Variants in STK32B observed in about 807,000 individuals in gnomAD.
STK32B encodes the protein serine/threonine-protein kinase 32B.
In STK32B, 43 loss-of-function variants were observed where a neutral mutation model predicts 52.6. The observed-to-expected ratio is 0.82, with a 90% confidence interval of 0.64 to 1.05. The LOEUF is 1.05. STK32B is among the 50% of genes least tolerant of loss of function. The pLI is 0.00. For synonymous variants in STK32B, 238 were observed against 204.3 expected (o/e 1.17, Z -1.41); for missense variants, 621 against 534.6 (o/e 1.16, Z -1.59).
At chr4:5,086,480 C>A (rs116447830) in intron 1 of STK32B, among the ~76,000 whole-genome samples, 37 of 152,000 alleles carry the variant, frequency 2.4e-4, no homozygotes, top group Non-Finnish European at 4.0e-4. Flanking sequence ...GAGGTGCCAT[C>A]AAGTGTAGCA....
chr4:5,025,037 T>A, the STK32B span, among the ~76,000 whole-genome samples: 1 of 152,200 alleles, frequency 6.6e-6, no homozygotes, highest in Non-Finnish European at 1.5e-5. Flanking sequence ...GCACCTTCAT[T>A]CGTGGGTCTC....
chr4:5,459,899 C>T (rs1441686130), intron 8 of STK32B, among the ~76,000 whole-genome samples: 1 of 152,222 alleles, frequency 6.6e-6, no homozygotes, highest in Admixed American at 6.5e-5. Flanking sequence ...CTTGCAGAAG[C>T]AGCCTGACCT....
At chr4:5,478,084 C>A (rs1031394829) in intron 11 of STK32B, among the ~76,000 whole-genome samples, 2 of 152,164 alleles carry the variant, frequency 1.3e-5, no homozygotes, top group African/African-American at 4.8e-5. Flanking sequence ...CAGAGTTCTG[C>A]ATCTGAACTC....
chr4:5,209,225 T>C (rs1722761192), intron 3 of STK32B, among the ~76,000 whole-genome samples: 1 of 152,214 alleles, frequency 6.6e-6, no homozygotes, highest in Non-Finnish European at 1.5e-5. Flanking sequence ...TACATTTCTT[T>C]TTTTTCTTTC....
chr4:5,488,944 T>A (rs1719454288), intron 11 of STK32B, among the ~76,000 whole-genome samples: 1 of 152,078 alleles, frequency 6.6e-6, no homozygotes, highest in African/African-American at 2.4e-5. Flanking sequence ...AAAAACTTCA[T>A]ATTTTTATAT....
rs1333606725 is a variant in STK32B, at chr4:5,058,571, T to C, written c.52+6656T>C. ...TTTCCCATCTTTTTTTGTTTTGTTT[T>C]GTTTGTTTGTTTTTGAGACAGGGTC... On this transcript the variant is annotated intron_variant, in intron 1 of 11. Transcript: ENST00000282908. The surrounding 1 kb of genome is among the most constrained non-coding windows in gnomAD (Gnocchi z 4.8). 6.6e-6 allele frequency among the ~76,000 whole-genome samples: 1 copy of C among 152,098 alleles called. No individual in the cohort carries two copies. Among genetic ancestry groups the C allele is most frequent in the Non-Finnish European group, 1.5e-5 (1 of 68,028 alleles).
intron 1 of STK32B, among the ~76,000 whole-genome samples, chr4:5,068,605 G>C (rs1050070722): frequency 2.0e-5 from 3 of 151,964 alleles, no homozygotes; most frequent in South Asian, 4.1e-4. Flanking sequence ...CCCTCATGTT[G>C]GCCTTTCCTA....
intron 1 of STK32B, among the ~76,000 whole-genome samples, chr4:5,076,758 A>G (rs929247483): frequency 1.3e-5 from 2 of 152,220 alleles, no homozygotes; most frequent in Non-Finnish European, 2.9e-5. Flanking sequence ...TAAACTTCGC[A>G]TGTATAAATC....
chr4:5,256,476 G>T (rs545464577), intron 3 of STK32B, among the ~76,000 whole-genome samples: 1 of 152,246 alleles, frequency 6.6e-6, no homozygotes, highest in African/African-American at 2.4e-5. Context: ...TTCTTCCCCG[G>T]CTCTAGCTTT....
In STK32B at chr4:5,460,023, C is replaced by T. The variant is rs1716905136; in HGVS notation, c.784-80C>T. On this transcript the variant is annotated intron_variant, in intron 8 of 11. Transcript: ENST00000282908. This position sits in a 1 kb window ranked among gnomAD's most constrained non-coding sequence, Gnocchi z 4.8. ...GAAGAGCAGAGGCACATTAATTGCC[C>T]TGAGACCCCCTCCTTCAGAGTCCCC... The T allele has an allele frequency of 1.9e-6, 3 of 1,605,940 alleles. No individual in the cohort carries two copies. Among genetic ancestry groups the T allele is most frequent in the Non-Finnish European group, 1.7e-6 (2 of 1,174,170 alleles).
At chr4:5,311,285 T>C (rs1026330011) in intron 3 of STK32B, among the ~76,000 whole-genome samples, 7 of 152,186 alleles carry the variant, frequency 4.6e-5, no homozygotes, top group African/African-American at 1.7e-4. Context: ...TGCTAATTAC[T>C]CTGATTTTTA....
At chr4:5,306,131 C>T (rs1008734598) in intron 3 of STK32B, among the ~76,000 whole-genome samples, 1 of 152,066 alleles carries the variant, frequency 6.6e-6, no homozygotes, top group African/African-American at 2.4e-5. Context: ...ATCATGTGGT[C>T]TATCTTGGAG....
At chr4:5,078,209 C>G (rs914414189) in intron 1 of STK32B, among the ~76,000 whole-genome samples, 3 of 152,098 alleles carry the variant, frequency 2.0e-5, no homozygotes, top group African/African-American at 4.8e-5. Context: ...GCTCATTGGT[C>G]AAAAGTAGGT....
At chr4:5,216,409 C>T (rs11731545) in intron 3 of STK32B, among the ~76,000 whole-genome samples, 32,114 of 152,082 alleles carry the variant, frequency 0.21, 3,603 homozygotes, top group Admixed American at 0.33. Flanking sequence ...ACTGGACATA[C>T]AAGCAAAGAA....
intron 2 of STK32B, among the ~76,000 whole-genome samples, chr4:5,163,865 C>T (rs186070751): frequency 3.5e-4 from 54 of 152,250 alleles, no homozygotes; most frequent in Middle Eastern, 3.4e-3. Context: ...GGACACTTTG[C>T]GAGAGGCTAA....
intron 1 of STK32B, among the ~76,000 whole-genome samples, chr4:5,067,356 A>C (rs962126554): frequency 6.6e-6 from 1 of 152,182 alleles, no homozygotes; most frequent in Non-Finnish European, 1.5e-5. Flanking sequence ...AAACCATATC[A>C]GTCAGTCACC....
chr4:5,454,645 C>G (rs1688382729), intron 7 of STK32B, among the ~76,000 whole-genome samples: 1 of 152,210 alleles, frequency 6.6e-6, no homozygotes, highest in Admixed American at 6.5e-5. Flanking sequence ...AGAGGTGAGC[C>G]TTGGCAATTC....
Position 5,449,048 on chromosome 4 carries a change from A to C in STK32B, c.666+2272A>C, listed in dbSNP as rs141024230. Among the ~76,000 whole-genome samples the C allele has an allele frequency of 8.7e-4, 132 of 152,286 alleles. 1 individual carries two copies. The highest frequency in any genetic ancestry group is 2.8e-3 in the African/African-American group (115 of 41,570). ...TCCTTTCGTCCAAAAGAGGAAAGAA[A>C]GTCATAGTGGAGGCTAGGCACGGTG... On this transcript the variant is annotated intron_variant, in intron 7 of 11. Transcript: ENST00000282908.
At chr4:5,480,734 C>T (rs1446445031) in intron 11 of STK32B, among the ~76,000 whole-genome samples, 1 of 151,774 alleles carries the variant, frequency 6.6e-6, no homozygotes, top group Non-Finnish European at 1.5e-5. Context: ...CCTCCCCCCT[C>T]CACCCACCCC....
Sources: allele counts gnomAD v4.1 joint callset (sites outside exome capture counted in the v4.1 genomes callset), GRCh38; gene constraint gnomAD v4.1.1; non-coding constraint Gnocchi (gnomAD v3.1); transcripts MANE v1.5; gene names NCBI Gene and HGNC (gene_info 2026-07-23, HGNC 2026-07-21).